SHOC1: variants seen among roughly 807,000 people sequenced by gnomAD.
SHOC1 encodes shortage in chiasmata 1, also known as protein shortage in chiasmata 1 ortholog.
In SHOC1, 136 loss-of-function variants were observed where a neutral mutation model predicts 179.2. The ratio of observed to expected loss-of-function variants is 0.76; its 90% CI spans 0.66 to 0.87. The LOEUF is 0.87. Ranked by LOEUF, SHOC1 falls within the 40% of genes least tolerant of loss-of-function variation. The probability of loss-of-function intolerance (pLI) is 0.00; values close to 1 mark genes in which losing one functional copy is unlikely to be tolerated. For missense variants in SHOC1, 1,538 were observed against 1,700.8 expected (o/e 0.90, Z 1.68); for synonymous variants, 489 against 586.6 (o/e 0.83, Z 2.41).
At chr9:111,742,726 G>T (rs1267908539) in intron 10 of SHOC1, among the ~76,000 whole-genome samples, 3 of 152,188 alleles carry the variant, frequency 2.0e-5, no homozygotes, top group Non-Finnish European at 4.4e-5. Context: ...GTCTAGGGCA[G>T]TGGAAAGCTA....
intron 18 of SHOC1, among the ~76,000 whole-genome samples, chr9:111,709,365 C>G (rs943948075): frequency 1.3e-5 from 2 of 151,952 alleles, no homozygotes; most frequent in Non-Finnish European, 2.9e-5. Flanking sequence ...AAAAAACAAA[C>G]AAACCTAATC....
At chr9:111,689,501 T>C (rs1361238495) in intron 27 of SHOC1, among the ~76,000 whole-genome samples, 2 of 151,934 alleles carry the variant, frequency 1.3e-5, no homozygotes, top group African/African-American at 4.8e-5. Context: ...TGGGTTATGC[T>C]AATGGCTTTG....
intron 18 of SHOC1, among the ~76,000 whole-genome samples, chr9:111,708,811 CAATT>C (rs1832396069): frequency 2.6e-5 from 4 of 152,140 alleles, no homozygotes; most frequent in African/African-American, 4.8e-5. Context: ...CCCATCCACA[CAATT>C]TATTTTTGGT....
chr9:111,784,947 A>G (rs1312302332), intron 3 of SHOC1, among the ~76,000 whole-genome samples: 1 of 152,054 alleles, frequency 6.6e-6, no homozygotes, highest in Non-Finnish European at 1.5e-5. Flanking sequence ...ATTTGGGGGG[A>G]CACAAACATT....
intron 10 of SHOC1, among the ~76,000 whole-genome samples, chr9:111,745,825 G>A (rs1009332721): frequency 3.3e-5 from 5 of 152,180 alleles, no homozygotes; most frequent in African/African-American, 1.2e-4. Flanking sequence ...AGTGCCATTA[G>A]CAAGTGTCCA....
intron 1 of SHOC1, among the ~76,000 whole-genome samples, chr9:111,793,128 C>T (rs2131663003): frequency 6.6e-6 from 1 of 152,240 alleles, no homozygotes; most frequent in South Asian, 2.1e-4. Context: ...GTGATCCGCC[C>T]GTCTCGGTCT....
In SHOC1 at chr9:111,686,483, G is replaced by T. The variant is rs924740926; in HGVS notation, c.*287C>A. ...TGATCTTCACTTCCTGACTCAAAGG[G>T]TCAGACTGTGATGGAGACTCATTTA... is the stretch of plus-strand genomic sequence containing the variant. On this transcript the variant is annotated 3_prime_UTR_variant, in exon 28 of 28. Coordinates refer to ENST00000682961, the MANE Select transcript of SHOC1 (RefSeq NM_001378211.1). 1.0e-5 allele frequency: 2 copies of T among 193,730 alleles called. No homozygotes were observed. Among genetic ancestry groups the T allele is most frequent in the African/African-American group, 4.7e-5 (2 of 42,640 alleles). 12.0% of individuals were successfully genotyped at this position (193,730 alleles called of 1,614,324 possible). A position where few individuals can be genotyped will look rare whatever the true frequency, so the allele number is the denominator to read the frequency against.
chr9:111,757,195 T>C (rs958564564), intron 7 of SHOC1, among the ~76,000 whole-genome samples: 4 of 152,164 alleles, frequency 2.6e-5, no homozygotes, highest in African/African-American at 7.2e-5. Context: ...CTCCGCCTCC[T>C]GGGTTCACGC....
intron 16 of SHOC1, among the ~76,000 whole-genome samples, chr9:111,716,008 T>C (rs1269049890): frequency 6.6e-6 from 1 of 152,092 alleles, no homozygotes; most frequent in Non-Finnish European, 1.5e-5. Flanking sequence ...ATTTTTTTTT[T>C]CCTCTGCCAT....
Position 111,737,696 on chromosome 9 carries a change from CCCCA to C in SHOC1, c.1417+580_1417+583del, listed in dbSNP as rs1357814381. On this transcript the variant is annotated intron_variant, in intron 12 of 27. Transcript: ENST00000682961. The stretch of plus-strand genomic sequence containing the variant: ...ACAAACAATAAAAACAAACCCCCCC[CCCCA>C]CACACAAAATATATAATTCATGCTA... Among the ~76,000 whole-genome samples the C allele has an allele frequency of 2.8e-3, 415 of 150,096 alleles. 4 individuals are homozygous for C. The highest frequency in any genetic ancestry group is 9.9e-3 in the African/African-American group (401 of 40,668).
intron 24 of SHOC1, among the ~76,000 whole-genome samples, chr9:111,696,203 A>G (rs1200306456): frequency 6.6e-6 from 1 of 152,190 alleles, no homozygotes; most frequent in Non-Finnish European, 1.5e-5. Context: ...TTAGCATAAC[A>G]CTAGTAGCAG....
At chr9:111,761,747 C>T (rs1835148062) in intron 5 of SHOC1, among the ~76,000 whole-genome samples, 1 of 152,006 alleles carries the variant, frequency 6.6e-6, no homozygotes, top group South Asian at 2.1e-4. Context: ...CAAAAAGATG[C>T]AGATGGCCAA....
intron 2 of SHOC1, among the ~76,000 whole-genome samples, chr9:111,791,013 T>A (rs541388754): frequency 1.3e-5 from 2 of 152,334 alleles, no homozygotes; most frequent in East Asian, 3.9e-4. Flanking sequence ...TGAGTGCCAA[T>A]ATGATGCCAA....
intron 20 of SHOC1, among the ~76,000 whole-genome samples, chr9:111,706,242 C>T (rs981730392): frequency 2.6e-5 from 4 of 151,968 alleles, no homozygotes; most frequent in Non-Finnish European, 5.9e-5. Context: ...CAACTGTCCC[C>T]TAAAAATCAA....
intron 9 of SHOC1, among the ~76,000 whole-genome samples, chr9:111,746,696 G>A (rs1175926589): frequency 6.6e-6 from 1 of 151,946 alleles, no homozygotes; most frequent in Non-Finnish European, 1.5e-5. Context: ...TAAAAATTAA[G>A]TATAATTTAG....
Position 111,703,946 on chromosome 9 carries a change from G to T in SHOC1, c.2902C>A (p.Leu968Ile). ...ACATAACACTCTGAACTTCCAAAGA[G>T]TTTCAATGACTCACTGCAGCCTCTC... ...VERGCSESLK[L>I]FGSSECYVVV... The change falls in exon 22 of 28, where the codon CTC becomes ATC. Residue 968 changes from leucine (L) to isoleucine (I), a missense_variant. Coordinates refer to ENST00000682961, the MANE Select transcript of SHOC1 (RefSeq NM_001378211.1). 1 of 1,608,818 alleles carries T rather than the reference G, an allele frequency of 6.2e-7. No homozygotes were observed.
rs771143549 is a variant in SHOC1 at position 111,705,305 on chromosome 9, A to C, written c.2797T>G (p.Phe933Val). The change falls in exon 21 of 28, where the codon TTT (phenylalanine) becomes GTT (valine). Residue 933 changes from phenylalanine (F) to valine (V), a missense_variant. Phe to Val is a conservative substitution (Grantham distance 50). Coordinates refer to ENST00000682961, the MANE Select transcript of SHOC1 (RefSeq NM_001378211.1). ...FLLEIQIPYV[F>V]FASEGLLNTP... ...TTAAGAAGTCCTTCAGATGCAAAAA[A>C]CACATATGGAATCTGAATTTCCAAA... 2 of 1,594,886 alleles carry C rather than the reference A, an allele frequency of 1.3e-6. No homozygotes were observed. The highest frequency in any genetic ancestry group is 1.7e-6 in the Non-Finnish European group (2 of 1,170,966).
chr9:111,699,022 T>G (rs1831838393), intron 24 of SHOC1, among the ~76,000 whole-genome samples: 1 of 152,152 alleles, frequency 6.6e-6, no homozygotes, highest in African/African-American at 2.4e-5. Context: ...TAAATATGTT[T>G]CCTTACCTTT....
chr9:111,724,543 A>C (rs1833213667), intron 13 of SHOC1, among the ~76,000 whole-genome samples: 1 of 151,884 alleles, frequency 6.6e-6, no homozygotes, highest in Admixed American at 6.6e-5. Context: ...TTATTTTGGT[A>C]GAGATAGGGT....
Sources: gnomAD v4.1 joint callset for allele counts (sites outside exome capture counted in the v4.1 genomes callset) on GRCh38, gnomAD v4.1.1 for gene constraint, MANE v1.5 for transcripts, NCBI Gene and HGNC (gene_info 2026-07-23, HGNC 2026-07-21) for gene names.